SMC4: variants seen among roughly 807,000 people sequenced by gnomAD.
SMC4 encodes the protein structural maintenance of chromosomes protein 4.
In SMC4, 87 loss-of-function variants were observed where a neutral mutation model predicts 145.6. The ratio of observed to expected loss-of-function variants is 0.60; its 90% CI spans 0.50 to 0.71. SMC4 has a LOEUF of 0.71. Among genes scored for constraint, SMC4 ranks in the 30% least tolerant of loss-of-function variants. The probability of loss-of-function intolerance (pLI) is 0.00; values close to 1 mark genes in which losing one functional copy is unlikely to be tolerated. For missense variants in SMC4, 1,447 were observed against 1,537.1 expected (o/e 0.94, Z 0.98); for synonymous variants, 558 against 500.7 (o/e 1.11, Z -1.53).
At chr3:160,421,990 A>G (rs77530621) in intron 13 of SMC4, among the ~76,000 whole-genome samples, 158 of 152,326 alleles carry the variant, frequency 1.0e-3, no homozygotes, top group African/African-American at 3.5e-3. Context: ...TTATACAGCT[A>G]CATTTACTTA....
chr3:160,416,151 G>A, intron 9 of SMC4, 100 bp from the exon 10 acceptor site: 1 of 727,264 alleles, frequency 1.4e-6, no homozygotes, highest in Non-Finnish European at 2.1e-6. Context: ...AAGAAAAGAA[G>A]AACTAGAGGA....
intron 9 of SMC4, 107 bp from the exon 10 acceptor site, chr3:160,416,139 TAAAGA>T (rs1485889015): frequency 3.2e-6 from 2 of 622,704 alleles, no homozygotes; most frequent in East Asian, 3.1e-5. Flanking sequence ...ACTCTGATTA[TAAAGA>T]AAAGAAGAAC....
At chr3:160,402,977 G>A (rs1042664625) in intron 4 of SMC4, 110 bp downstream of exon 4, 6 of 752,846 alleles carry the variant, frequency 8.0e-6, no homozygotes, top group Admixed American at 3.7e-5. Context: ...ACAGCGGAAA[G>A]CATTGGTTTC....
At chr3:160,420,694 G>A (rs775020294) in intron 12 of SMC4, 46 bp from the exon 13 acceptor site, 16 of 1,594,758 alleles carry the variant, frequency 1.0e-5, no homozygotes, top group East Asian at 2.2e-5. Flanking sequence ...AAATGGTCCT[G>A]TGCTTTTCTG....
chr3:160,420,641 TAA>T, intron 12 of SMC4, 97 bp from the exon 13 acceptor site: 1 of 1,255,976 alleles, frequency 8.0e-7, no homozygotes, highest in Middle Eastern at 2.1e-4. Flanking sequence ...CATGTCTACA[TAA>T]AGTTTTTCAA....
rs551296886 is a variant in SMC4, at chr3:160,408,721, G to A, written c.688-3199G>A. Among the ~76,000 whole-genome samples, 15 of 152,184 alleles carry A rather than the reference G, an allele frequency of 9.9e-5. No homozygotes were observed. The South Asian group carries it at 3.1e-3, about 32-fold the overall frequency. On this transcript the variant is annotated intron_variant, in intron 5 of 23. Coordinates refer to ENST00000357388, the MANE Select transcript of SMC4 (RefSeq NM_001002800.3). ...TATGTAAGTTTTCTGAAGAAATAAG[G>A]AGGAATCCTTTAGGCACAGACTGTC...
rs767883854 is a variant in SMC4 at position 160,428,863 on chromosome 3, C to T, written c.2716C>T (p.Leu906Phe). Reference sequence around the variant, plus strand: ...TAAACTCAAGGCCCAACAAGACAAACTTGATAAAATAAATAAGCAATTAGA... The same window carrying T: ...TAAACTCAAGGCCCAACAAGACAAATTTGATAAAATAAATAAGCAATTAGA... Reference protein sequence around the residue: ...NHKLKAQQDKLDKINKQLDEC... With the variant: ...NHKLKAQQDKFDKINKQLDEC... Residue 906 changes from leucine to phenylalanine, a missense_variant, in exon 18 of 24, where the codon CTT becomes TTT. By Grantham distance (22) the Leu-to-Phe change is conservative. Coordinates refer to ENST00000357388, the MANE Select transcript of SMC4 (RefSeq NM_001002800.3). The T allele has an allele frequency of 6.2e-7, 1 of 1,606,148 alleles. No individual in the cohort carries two copies. Among genetic ancestry groups the T allele is most frequent in the Non-Finnish European group, 8.5e-7 (1 of 1,178,444 alleles).
intron 9 of SMC4, among the ~76,000 whole-genome samples, chr3:160,415,291 G>A (rs766689708): frequency 2.0e-5 from 3 of 152,240 alleles, no homozygotes; most frequent in Non-Finnish European, 4.4e-5. Flanking sequence ...AGGATGCCTT[G>A]AGTTCAAGAT....
chr3:160,405,925 A>C (rs1715278788), intron 5 of SMC4, among the ~76,000 whole-genome samples: 1 of 152,002 alleles, frequency 6.6e-6, no homozygotes, highest in Non-Finnish European at 1.5e-5. Flanking sequence ...CTTTTGCTTA[A>C]TCTTTTACCG....
At chr3:160,408,620 T>C (rs181258445) in intron 5 of SMC4, among the ~76,000 whole-genome samples, 53 of 152,272 alleles carry the variant, frequency 3.5e-4, no homozygotes, top group African/African-American at 1.3e-3. Flanking sequence ...TTCAGGTTGA[T>C]GTTTTAAAAT....
intron 13 of SMC4, among the ~76,000 whole-genome samples, chr3:160,422,743 T>C (rs1717316017): frequency 6.6e-6 from 1 of 152,238 alleles, no homozygotes; most frequent in African/African-American, 2.4e-5. Flanking sequence ...AAGGTCACAG[T>C]GATTTGCCTC....
At chr3:160,409,680 A>T (rs1054623853) in intron 5 of SMC4, among the ~76,000 whole-genome samples, 2 of 151,426 alleles carry the variant, frequency 1.3e-5, no homozygotes, top group Non-Finnish European at 1.5e-5. Flanking sequence ...TCTTAAAATA[A>T]GTGTTCAGAT....
chr3:160,412,172 T>C, intron 6 of SMC4, 88 bp downstream of exon 6: 1 of 1,449,828 alleles, frequency 6.9e-7, no homozygotes, highest in Non-Finnish European at 9.3e-7. Context: ...CATGTTATAA[T>C]ACTTAATGAA....
At chr3:160,433,314 C>T (rs1280705939) in intron 23 of SMC4, 105 bp downstream of exon 23, 1 of 758,248 alleles carries the variant, frequency 1.3e-6, no homozygotes, top group East Asian at 2.6e-5. Context: ...TCTTTATTGT[C>T]TAATAACTCC....
At chr3:160,423,672 G>A (rs1219034367) in intron 14 of SMC4, 22 bp downstream of exon 14, 3 of 1,599,140 alleles carry the variant, frequency 1.9e-6, no homozygotes, top group Non-Finnish European at 2.6e-6. Flanking sequence ...TTTGTTTCTT[G>A]GTTTGTTTTT....
chr3:160,413,100 A>AATT (rs137917873), intron 7 of SMC4, among the ~76,000 whole-genome samples: 28 of 151,682 alleles, frequency 1.8e-4, no homozygotes, highest in African/African-American at 4.6e-4. Flanking sequence ...ACACCTGGCT[A>AATT]ATTATTATTA....
rs1229086935 is a variant in SMC4, at chr3:160,419,494, T to TA, written c.1810dup (p.Ile604AsnfsTer23). ...AGTAGGGGGAAAGTCCTTGATGCAA[T>TA]AATTCAAGAAAAAAAATCTGGCAGG... On this transcript the variant is annotated frameshift_variant, in exon 12 of 24. Coordinates refer to ENST00000357388, the MANE Select transcript of SMC4 (RefSeq NM_001002800.3). LOFTEE classifies it high-confidence loss of function. 1 of 1,602,294 alleles carries TA rather than the reference T, an allele frequency of 6.2e-7. No individual in the cohort carries two copies. Among genetic ancestry groups the TA allele is most frequent in the Admixed American group, 1.8e-5 (1 of 57,050 alleles).
At chr3:160,426,046 GA>G in intron 16 of SMC4, 27 bp from the exon 17 acceptor site, 3 of 1,520,390 alleles carry the variant, frequency 2.0e-6, no homozygotes, top group Non-Finnish European at 2.7e-6. Flanking sequence ...TTAAAATATT[GA>G]CCTTAAATGT....
chr3:160,405,737 G>C (rs1715256297), intron 5 of SMC4, among the ~76,000 whole-genome samples: 1 of 151,968 alleles, frequency 6.6e-6, no homozygotes, highest in Admixed American at 6.5e-5. Flanking sequence ...AACAAGATTG[G>C]AATTTATAGA....
Sources: allele counts gnomAD v4.1 joint callset (sites outside exome capture counted in the v4.1 genomes callset), GRCh38; gene constraint gnomAD v4.1.1; transcripts MANE v1.5; gene names NCBI Gene and HGNC (gene_info 2026-07-23, HGNC 2026-07-21).